Variants in DLG2 observed in about 807,000 individuals in gnomAD.
DLG2 encodes the protein discs large MAGUK scaffold protein 2, also known as disks large homolog 2.
Under a neutral mutation model 132.5 loss-of-function variants are expected in DLG2, and 45 were observed. That is an observed-to-expected ratio of 0.34 (90% CI 0.27 to 0.44). The LOEUF (loss-of-function observed/expected upper bound fraction) is 0.44, where lower values mean the gene tolerates loss of function less well. Among genes scored for constraint, DLG2 ranks in the 20% least tolerant of loss-of-function variants. The pLI is 1.00. For missense variants in DLG2, 1,045 were observed against 1,196.9 expected, an observed-to-expected ratio of 0.87 and a Z score of 1.87; for synonymous variants, 424 against 419.6, an observed-to-expected ratio of 1.01 and a Z score of -0.13.
chr11:85,199,226 T>C (rs1455534537), intron 4 of DLG2, among the ~76,000 whole-genome samples: 3 of 152,156 alleles, frequency 2.0e-5, no homozygotes, highest in African/African-American at 4.8e-5. Context: ...AAAAGGAATG[T>C]AACCACTAAT....
chr11:84,194,665 T>C (rs1311267946), intron 8 of DLG2, among the ~76,000 whole-genome samples: 1 of 152,192 alleles, frequency 6.6e-6, no homozygotes, highest in Non-Finnish European at 1.5e-5. Flanking sequence ...TTGGTGTATT[T>C]ACAAACCTTT....
chr11:85,488,676 T>C (rs2093487604), intron 3 of DLG2, among the ~76,000 whole-genome samples: 1 of 152,118 alleles, frequency 6.6e-6, no homozygotes. Context: ...CAAAGCCTTA[T>C]GGGCCAGAAG....
intron 3 of DLG2, among the ~76,000 whole-genome samples, chr11:85,536,143 G>A (rs1007186843): frequency 3.4e-5 from 5 of 145,842 alleles, no homozygotes; most frequent in African/African-American, 7.6e-5. Context: ...TTGAGCCTGG[G>A]AGGCAGAGGG....
intron 18 of DLG2, among the ~76,000 whole-genome samples, chr11:83,778,301 A>G (rs1241026825): frequency 6.6e-6 from 1 of 152,082 alleles, no homozygotes; most frequent in Non-Finnish European, 1.5e-5. Flanking sequence ...CTTTATTTCC[A>G]TGCATTTGAT....
rs2098932811 is a variant in DLG2 at position 84,417,214 on chromosome 11, A to G, written c.519+117356T>C. Among the ~76,000 whole-genome samples, 4 of 152,188 alleles carry G rather than the reference A, an allele frequency of 2.6e-5. No individual in the cohort carries two copies. In the South Asian group the frequency reaches 8.3e-4, roughly 31 times the overall value. On this transcript the variant is annotated intron_variant, in intron 7 of 27. Coordinates refer to ENST00000376104, the MANE Select transcript of DLG2 (RefSeq NM_001142699.3). ...GAATTTAGACTTTCTGATTGTGAAC[A>G]CTTTGCTTGGATTTCTTAATTCACA... is the stretch of plus-strand genomic sequence containing the variant.
chr11:83,831,649 T>A (rs1052463575), intron 17 of DLG2, among the ~76,000 whole-genome samples: 1 of 152,088 alleles, frequency 6.6e-6, no homozygotes, highest in Non-Finnish European at 1.5e-5. Flanking sequence ...ATCACAGCCA[T>A]AAAATGAAAA....
chr11:83,729,299 G>A (rs945735434), intron 18 of DLG2, among the ~76,000 whole-genome samples: 2 of 152,150 alleles, frequency 1.3e-5, no homozygotes, highest in African/African-American at 4.8e-5. Context: ...AGCTAAGGAA[G>A]GGAAGTGGAC....
intron 6 of DLG2, among the ~76,000 whole-genome samples, chr11:84,732,237 T>C (rs925675566): frequency 1.3e-5 from 2 of 152,144 alleles, no homozygotes; most frequent in African/African-American, 2.4e-5. Flanking sequence ...GCTACGAATA[T>C]CTGTGCATAA....
intron 7 of DLG2, among the ~76,000 whole-genome samples, chr11:84,387,172 G>A (rs2098774264): frequency 6.6e-6 from 1 of 151,570 alleles, no homozygotes; most frequent in African/African-American, 2.4e-5. Context: ...CAGGCTTCCA[G>A]TAGCTCCCAG....
At chr11:84,375,470 A>C (rs1286751207) in intron 7 of DLG2, among the ~76,000 whole-genome samples, 3 of 152,162 alleles carry the variant, frequency 2.0e-5, no homozygotes, top group African/African-American at 7.2e-5. Context: ...CAGACTTTAC[A>C]TTTAGTTTTT....
At chr11:85,183,659 C>T (rs563218040) in intron 4 of DLG2, among the ~76,000 whole-genome samples, 22 of 151,912 alleles carry the variant, frequency 1.4e-4, no homozygotes, top group African/African-American at 4.3e-4. Flanking sequence ...CCTGTTGTAC[C>T]CCATTTACTG....
At chr11:85,421,291 C>T (rs1363197118) in intron 3 of DLG2, among the ~76,000 whole-genome samples, 1 of 151,964 alleles carries the variant, frequency 6.6e-6, no homozygotes, top group Non-Finnish European at 1.5e-5. Flanking sequence ...TTTAACCAGT[C>T]CCAATGAGAT....
At chr11:84,704,428 G>T (rs1412567897) in intron 6 of DLG2, among the ~76,000 whole-genome samples, 1 of 151,482 alleles carries the variant, frequency 6.6e-6, no homozygotes, top group Non-Finnish European at 1.5e-5. Flanking sequence ...ACTATGGGAC[G>T]TTATTTATTA....
chr11:85,134,523 C>T (rs1305606903), intron 5 of DLG2, among the ~76,000 whole-genome samples: 7 of 105,942 alleles, frequency 6.6e-5, no homozygotes, highest in East Asian at 2.5e-4. Flanking sequence ...AGCGAGACTC[C>T]GTCTCAAAAA....
chr11:85,559,152 A>T (rs925155752), intron 3 of DLG2, among the ~76,000 whole-genome samples: 2 of 148,910 alleles, frequency 1.3e-5, no homozygotes, highest in Non-Finnish European at 3.0e-5. Flanking sequence ...CATTATTATT[A>T]TTATTTTTTT....
chr11:83,973,971 A>C (rs1592144785), intron 12 of DLG2, among the ~76,000 whole-genome samples: 1 of 149,094 alleles, frequency 6.7e-6, no homozygotes, highest in African/African-American at 2.4e-5. Flanking sequence ...ACTGAGTTCT[A>C]ACTTTCCTTC....
chr11:83,576,033 C>A (rs1277205952), intron 19 of DLG2, among the ~76,000 whole-genome samples: 1 of 151,816 alleles, frequency 6.6e-6, no homozygotes. Flanking sequence ...AGATGGTCAA[C>A]AAGTTAAATA....
chr11:83,956,406 C>T (rs1402362445), intron 14 of DLG2, among the ~76,000 whole-genome samples: 1 of 152,212 alleles, frequency 6.6e-6, no homozygotes, highest in Non-Finnish European at 1.5e-5. Flanking sequence ...GACACCCTCT[C>T]TGGGGCTATG....
chr11:84,068,464 T>C (rs929653574), intron 10 of DLG2, among the ~76,000 whole-genome samples: 3 of 152,234 alleles, frequency 2.0e-5, no homozygotes, highest in Admixed American at 1.3e-4. Context: ...TCTTCTAGGA[T>C]GCCATCTTTG....
Sources: gnomAD v4.1 joint callset for allele counts (sites outside exome capture counted in the v4.1 genomes callset) on GRCh38, gnomAD v4.1.1 for gene constraint, MANE v1.5 for transcripts, NCBI Gene and HGNC (gene_info 2026-07-23, HGNC 2026-07-21) for gene names.